The following SGCZ variants were observed in gnomAD, a reference collection of about 807,000 sequenced individuals.
The protein encoded by SGCZ is sarcoglycan zeta, also known as zeta-sarcoglycan.
In SGCZ, 40 loss-of-function variants were observed where a neutral mutation model predicts 41.3. That is an observed-to-expected ratio of 0.97 (90% CI 0.75 to 1.26). The LOEUF is 1.26. SGCZ is among the 50% of genes most tolerant of loss of function. The probability of loss-of-function intolerance (pLI) is 0.00; values close to 1 mark genes in which losing one functional copy is unlikely to be tolerated. For synonymous variants in SGCZ, 206 were observed against 137.5 expected (o/e 1.50, Z -3.49); for missense variants, 552 against 369.8 (o/e 1.49, Z -4.04).
intron 1 of SGCZ, among the ~76,000 whole-genome samples, chr8:14,904,986 T>C (rs1799081284): frequency 6.6e-6 from 1 of 151,994 alleles, no homozygotes; most frequent in East Asian, 1.9e-4. Flanking sequence ...AACTTAAGTC[T>C]TGCCTAACAC....
chr8:15,113,816 C>A (rs1172329404), intron 1 of SGCZ, among the ~76,000 whole-genome samples: 1 of 152,174 alleles, frequency 6.6e-6, no homozygotes, highest in Non-Finnish European at 1.5e-5. Flanking sequence ...TCAGTAAAAG[C>A]AAAGTCTGTA....
chr8:14,529,226 C>T lies in SGCZ; in HGVS notation c.234+25506G>A, dbSNP rs370649939. Among the ~76,000 whole-genome samples, 49 of 152,164 alleles carry T rather than the reference C, an allele frequency of 3.2e-4. 1 individual carries two copies. The South Asian group carries it at 7.7e-3, about 24-fold the overall frequency. ...AATTATTTGAGCTTTAGTTTTTTCC[C>T]CTTATGATCCTACAGCCATATGCTG... On this transcript the variant is annotated intron_variant, in intron 2 of 7. Transcript: ENST00000382080.
At chr8:15,049,412 T>C (rs1390378960) in intron 1 of SGCZ, among the ~76,000 whole-genome samples, 5 of 152,070 alleles carry the variant, frequency 3.3e-5, no homozygotes. Flanking sequence ...CAAGAGCAAC[T>C]AGGAAGTCTG....
chr8:14,106,393 T>C (rs1802204252), intron 6 of SGCZ, among the ~76,000 whole-genome samples: 1 of 152,220 alleles, frequency 6.6e-6, no homozygotes, highest in Non-Finnish European at 1.5e-5. Flanking sequence ...CTAGGGTTTC[T>C]ATATAGAGTA....
intron 1 of SGCZ, among the ~76,000 whole-genome samples, chr8:14,681,088 A>G (rs1421254477): frequency 2.0e-5 from 3 of 152,086 alleles, no homozygotes; most frequent in Non-Finnish European, 2.9e-5. Flanking sequence ...AGACAAATAC[A>G]TTTAATGAAA....
chr8:14,155,203 CT>C (rs1803840870), intron 5 of SGCZ, among the ~76,000 whole-genome samples: 1 of 152,162 alleles, frequency 6.6e-6, no homozygotes, highest in South Asian at 2.1e-4. Context: ...GATTCCTGAC[CT>C]TAATATCTTC....
intron 1 of SGCZ, among the ~76,000 whole-genome samples, chr8:14,745,537 G>A (rs747048892): frequency 3.9e-5 from 6 of 152,028 alleles, no homozygotes; most frequent in Non-Finnish European, 7.4e-5. Flanking sequence ...ATCTATGATC[G>A]TGCTACTGTA....
At chr8:15,186,109 A>T (rs1187152751) in intron 1 of SGCZ, among the ~76,000 whole-genome samples, 3 of 150,282 alleles carry the variant, frequency 2.0e-5, no homozygotes, top group Admixed American at 1.3e-4. Flanking sequence ...AATAAAAAAA[A>T]AACTTAGCCG....
intron 1 of SGCZ, among the ~76,000 whole-genome samples, chr8:14,776,378 C>CGT (rs1256382668): frequency 6.6e-6 from 1 of 152,070 alleles, no homozygotes; most frequent in African/African-American, 2.4e-5. Flanking sequence ...TGCCTGCCAC[C>CGT]ATGTAAGATG....
At chr8:14,757,585 G>C (rs1183582043) in intron 1 of SGCZ, among the ~76,000 whole-genome samples, 5 of 152,152 alleles carry the variant, frequency 3.3e-5, no homozygotes, top group Non-Finnish European at 7.4e-5. Flanking sequence ...TACATAAAAA[G>C]GAGGCAGAAA....
At chr8:14,733,848 G>T (rs1258424024) in intron 1 of SGCZ, among the ~76,000 whole-genome samples, 1 of 152,116 alleles carries the variant, frequency 6.6e-6, no homozygotes, top group Non-Finnish European at 1.5e-5. Context: ...CAATTTTAAG[G>T]CTTTGAAACC....
At chr8:15,045,469 T>G (rs146015331) in intron 1 of SGCZ, among the ~76,000 whole-genome samples, 1 of 152,192 alleles carries the variant, frequency 6.6e-6, no homozygotes, top group Non-Finnish European at 1.5e-5. Context: ...TATACATGTT[T>G]CAATCAGTAA....
At chr8:14,434,543 T>C (rs1329468359) in intron 2 of SGCZ, among the ~76,000 whole-genome samples, 1 of 152,180 alleles carries the variant, frequency 6.6e-6, no homozygotes, top group Non-Finnish European at 1.5e-5. Flanking sequence ...ATTGAATCTG[T>C]AGATTGCTTT....
chr8:14,551,097 T>C (rs1170858776), intron 2 of SGCZ, among the ~76,000 whole-genome samples: 1 of 149,632 alleles, frequency 6.7e-6, no homozygotes, highest in East Asian at 2.0e-4. Flanking sequence ...GCTTAATAAA[T>C]ATTATTTATA....
At chr8:14,380,124 T>C (rs1226825057) in intron 2 of SGCZ, among the ~76,000 whole-genome samples, 1 of 152,220 alleles carries the variant, frequency 6.6e-6, no homozygotes, top group African/African-American at 2.4e-5. Flanking sequence ...CCAGTCATAT[T>C]ATTTTAGTGG....
chr8:14,943,265 C>T (rs574224381), intron 1 of SGCZ, among the ~76,000 whole-genome samples: 5 of 152,130 alleles, frequency 3.3e-5, no homozygotes, highest in African/African-American at 9.6e-5. Flanking sequence ...CTATATACTT[C>T]GAAAAAATAA....
At chr8:14,711,222 T>A (rs1300697203) in intron 1 of SGCZ, among the ~76,000 whole-genome samples, 1 of 152,094 alleles carries the variant, frequency 6.6e-6, no homozygotes, top group Non-Finnish European at 1.5e-5. Flanking sequence ...ACACAATTTG[T>A]GAAAGTTATT....
chr8:15,076,616 T>A (rs982215255), intron 1 of SGCZ, among the ~76,000 whole-genome samples: 6 of 152,100 alleles, frequency 3.9e-5, no homozygotes, highest in African/African-American at 1.4e-4. Context: ...CTGCCTTCTT[T>A]GTCTCCTGCT....
At chr8:14,210,128 G>A (rs1302172588) in intron 4 of SGCZ, among the ~76,000 whole-genome samples, 5 of 152,110 alleles carry the variant, frequency 3.3e-5, no homozygotes, top group Admixed American at 3.3e-4. Context: ...TGTGATCCTG[G>A]CTCACAGCAA....
Sources: allele counts gnomAD v4.1 joint callset (sites outside exome capture counted in the v4.1 genomes callset), GRCh38; gene constraint gnomAD v4.1.1; transcripts MANE v1.5; gene names NCBI Gene and HGNC (gene_info 2026-07-23, HGNC 2026-07-21).